RAB7A: variants seen among roughly 807,000 people sequenced by gnomAD.
The protein encoded by RAB7A is RAB7A, member RAS oncogene family.
Under a neutral mutation model 24.5 loss-of-function variants are expected in RAB7A, and 2 were observed. That is an observed-to-expected ratio of 0.08 (90% CI 0.03 to 0.26). The LOEUF (loss-of-function observed/expected upper bound fraction) is 0.26, where lower values mean the gene tolerates loss of function less well. Ranked by LOEUF, RAB7A falls within the 10% of genes least tolerant of loss-of-function variation. The probability of loss-of-function intolerance (pLI) is 1.00; values close to 1 mark genes in which losing one functional copy is unlikely to be tolerated. For missense variants in RAB7A, 118 were observed against 255.7 expected (o/e 0.46, Z 3.67); for synonymous variants, 100 against 95.9 (o/e 1.04, Z -0.25).
chr3:128,784,877 A>T (rs958557909), intron 1 of RAB7A, among the ~76,000 whole-genome samples: 1 of 151,332 alleles, frequency 6.6e-6, no homozygotes, highest in African/African-American at 2.4e-5. Context: ...TATATGTTTG[A>T]TTAATATAGT....
At chr3:128,780,199 AT>A (rs1933188883) in intron 1 of RAB7A, among the ~76,000 whole-genome samples, 1 of 152,178 alleles carries the variant, frequency 6.6e-6, no homozygotes, top group Non-Finnish European at 1.5e-5. Flanking sequence ...TTTTCACACA[AT>A]TTTATGACCC....
intron 1 of RAB7A, among the ~76,000 whole-genome samples, chr3:128,792,156 T>C (rs1207507191): frequency 2.6e-5 from 4 of 152,238 alleles, no homozygotes; most frequent in Non-Finnish European, 5.9e-5. Context: ...CGGTCACTGC[T>C]TTGTGACACG....
intron 1 of RAB7A, among the ~76,000 whole-genome samples, chr3:128,791,421 G>A (rs1002357448): frequency 3.3e-5 from 5 of 152,184 alleles, no homozygotes; most frequent in African/African-American, 4.8e-5. Context: ...GATTATAGGC[G>A]TGAGCCACCG....
rs1178299489 is a variant in RAB7A at position 128,814,065 on chromosome 3, G to A, written c.*643G>A. The A allele has an allele frequency of 6.4e-6, 1 of 156,098 alleles. No homozygotes were observed. The highest frequency in any genetic ancestry group is 1.4e-5 in the Non-Finnish European group (1 of 70,088). 9.7% of individuals were successfully genotyped at this position (156,098 alleles called of 1,614,324 possible). A position where few individuals can be genotyped will look rare whatever the true frequency, so the allele number is the denominator to read the frequency against. On this transcript the variant is annotated 3_prime_UTR_variant, in exon 6 of 6. Transcript: ENST00000265062. Reference sequence around the variant, plus strand: ...AATCTTATAGTACATGTTAATATATGCAACCAATTAAAATGTATAAATTAG... The same window carrying A: ...AATCTTATAGTACATGTTAATATATACAACCAATTAAAATGTATAAATTAG...
rs144725185 is a variant in RAB7A, at chr3:128,727,444, A to T, written c.-9+1085A>T. Among the ~76,000 whole-genome samples, 1,406 of 151,828 alleles carry T rather than the reference A, an allele frequency of 9.3e-3. 19 individuals are homozygous for T. Among genetic ancestry groups the T allele is most frequent in the African/African-American group, 0.03 (1,233 of 41,366 alleles). On this transcript the variant is annotated intron_variant, in intron 1 of 5. Transcript: ENST00000265062. The stretch of plus-strand genomic sequence containing the variant: ...TATCTGTACCTCAGTGCCTCCCACC[A>T]CCTCCTTTCTTTCTATTGATGTCAT...
chr3:128,784,536 A>G (rs1208722649), intron 1 of RAB7A, among the ~76,000 whole-genome samples: 4 of 152,222 alleles, frequency 2.6e-5, no homozygotes, highest in Non-Finnish European at 5.9e-5. Flanking sequence ...ACTGCTGCTT[A>G]GAAATCTCCA....
chr3:128,802,630 C>T (rs1157418907), intron 3 of RAB7A, among the ~76,000 whole-genome samples: 3 of 151,546 alleles, frequency 2.0e-5, no homozygotes, highest in Non-Finnish European at 4.4e-5. Flanking sequence ...GCCTCAGCCT[C>T]CCGAGTAGCT....
In RAB7A at chr3:128,728,204, G is replaced by T. The variant is rs185563365; in HGVS notation, c.-9+1845G>T. 1.2e-4 allele frequency among the ~76,000 whole-genome samples: 19 copies of T among 152,300 alleles called. No individual in the cohort carries two copies. In the East Asian group the frequency reaches 2.9e-3, roughly 23 times the overall value. ...AATGATCTTGGCCAGAAATTCTGTT[G>T]TGGAATAATTTGGCGGTAGAACTTG... On this transcript the variant is annotated intron_variant, in intron 1 of 5. Transcript: ENST00000265062.
At chr3:128,763,419 C>A (rs9852531) in intron 1 of RAB7A, among the ~76,000 whole-genome samples, 41,686 of 150,948 alleles carry the variant, frequency 0.28, 7,402 homozygotes, top group African/African-American at 0.5. Flanking sequence ...GGGTTTCACC[C>A]TGTTAGCCAG....
Position 128,774,743 on chromosome 3 carries a change from T to G in RAB7A, c.-8-20617T>G, listed in dbSNP as rs141228066. 3.8e-3 allele frequency among the ~76,000 whole-genome samples: 575 copies of G among 152,222 alleles called. 5 individuals carry two copies. The highest frequency in any genetic ancestry group is 0.013 in the African/African-American group (551 of 41,528). On this transcript the variant is annotated intron_variant, in intron 1 of 5. Coordinates refer to ENST00000265062, the MANE Select transcript of RAB7A (RefSeq NM_004637.6). ...GCCCGCCACCACGCCCAGCTAATTT[T>G]TTGTATTTTTAGTAGAGACAGGGTT...
rs553117873 is a variant in RAB7A, at chr3:128,763,770, T to C, written c.-8-31590T>C. Among the ~76,000 whole-genome samples, 13 of 152,264 alleles carry C rather than the reference T, an allele frequency of 8.5e-5. No individual in the cohort carries two copies. The East Asian group carries it at 2.5e-3, about 29-fold the overall frequency. ...CACCTATGGTATCACTGGTGATGTT[T>C]ACCTGAATCCCTTCATTAAAGATTG... is the stretch of plus-strand genomic sequence containing the variant. On this transcript the variant is annotated intron_variant, in intron 1 of 5. Coordinates refer to ENST00000265062, the MANE Select transcript of RAB7A (RefSeq NM_004637.6).
At chr3:128,767,960 A>G (rs572029960) in intron 1 of RAB7A, among the ~76,000 whole-genome samples, 2 of 152,294 alleles carry the variant, frequency 1.3e-5, no homozygotes, top group East Asian at 1.9e-4. Flanking sequence ...ATATGTATCT[A>G]TGAATACATA....
chr3:128,768,562 TTTG>T (rs986654085), intron 1 of RAB7A, among the ~76,000 whole-genome samples: 8 of 152,080 alleles, frequency 5.3e-5, no homozygotes, highest in Non-Finnish European at 1.0e-4. Flanking sequence ...TTTGTTTTGT[TTTG>T]TTTTGTTTTT....
intron 1 of RAB7A, among the ~76,000 whole-genome samples, chr3:128,732,221 G>A (rs1198152384): frequency 2.6e-5 from 4 of 151,448 alleles, no homozygotes; most frequent in African/African-American, 9.7e-5. Context: ...TGTATTTTTA[G>A]TATAGATGGG....
intron 1 of RAB7A, among the ~76,000 whole-genome samples, chr3:128,728,439 C>T (rs1341716119): frequency 1.3e-5 from 2 of 152,152 alleles, no homozygotes; most frequent in Non-Finnish European, 2.9e-5. Context: ...CTTGTTTCTC[C>T]TTTTGCTCTA....
chr3:128,764,553 G>C, intron 1 of RAB7A: 1 of 1,291,268 alleles, frequency 7.7e-7, no homozygotes, highest in Non-Finnish European at 1.1e-6. Context: ...TCTTGTGCAA[G>C]TTGGTCACGT....
At chr3:128,804,490 C>T (rs751637199) in intron 3 of RAB7A, among the ~76,000 whole-genome samples, 5 of 152,290 alleles carry the variant, frequency 3.3e-5, no homozygotes, top group South Asian at 4.1e-4. Flanking sequence ...GAACCCAGGT[C>T]GCTGTTAACA....
intron 1 of RAB7A, among the ~76,000 whole-genome samples, chr3:128,783,790 T>C (rs1331580078): frequency 6.6e-6 from 1 of 152,240 alleles, no homozygotes; most frequent in Non-Finnish European, 1.5e-5. Context: ...GGAACTTCTC[T>C]GAAGCTTGTT....
At chr3:128,733,200 CATT>C (rs535114877) in intron 1 of RAB7A, among the ~76,000 whole-genome samples, 152 of 152,278 alleles carry the variant, frequency 1.0e-3, no homozygotes, top group African/African-American at 1.8e-3. Flanking sequence ...TCCTTTAAGT[CATT>C]ATCATCGATG....
Sources: gnomAD v4.1 joint callset for allele counts (sites outside exome capture counted in the v4.1 genomes callset) on GRCh38, gnomAD v4.1.1 for gene constraint, MANE v1.5 for transcripts, NCBI Gene and HGNC (gene_info 2026-07-23, HGNC 2026-07-21) for gene names.